Variants in CDKN2B-AS1 observed in about 807,000 individuals in gnomAD.
CDKN2B-AS1 encodes CDKN2B antisense RNA 1 (non-protein coding).
chr9:22,074,799 A>G (rs933599441), intron 4 of CDKN2B-AS1, among the ~76,000 whole-genome samples: 2 of 152,236 alleles, frequency 1.3e-5, no homozygotes, highest in African/African-American at 4.8e-5. Context: ...TTTGTTCTGG[A>G]AAGCTCTATC....
At chr9:22,067,265 G>C (rs992899985) in intron 4 of CDKN2B-AS1, among the ~76,000 whole-genome samples, 4 of 152,148 alleles carry the variant, frequency 2.6e-5, no homozygotes, top group Non-Finnish European at 5.9e-5. Flanking sequence ...TGGAGACTAA[G>C]CATGATTTTT....
chr9:22,048,048 G>T (rs141043892), intron 2 of CDKN2B-AS1, among the ~76,000 whole-genome samples: 5 of 151,938 alleles, frequency 3.3e-5, no homozygotes, highest in African/African-American at 1.2e-4. Flanking sequence ...ACCTGCCTCA[G>T]CCTCTCAAAG....
At chr9:22,066,699 C>T (rs377411502) in intron 4 of CDKN2B-AS1, among the ~76,000 whole-genome samples, 5 of 151,580 alleles carry the variant, frequency 3.3e-5, no homozygotes, top group Admixed American at 1.3e-4. Flanking sequence ...AAAGAACATT[C>T]GTATTTTAAT....
chr9:22,066,949 G>A (rs1218220570), intron 4 of CDKN2B-AS1, among the ~76,000 whole-genome samples: 1 of 152,098 alleles, frequency 6.6e-6, no homozygotes, highest in Non-Finnish European at 1.5e-5. Flanking sequence ...ATCATTCTGA[G>A]CAAACTATCG....
chr9:22,096,714 C>A (rs758165900), intron 4 of CDKN2B-AS1, among the ~76,000 whole-genome samples: 8 of 152,164 alleles, frequency 5.3e-5, no homozygotes, highest in Non-Finnish European at 1.0e-4. Flanking sequence ...ATTCCATCTC[C>A]AATCACACGG....
rs34843542 is a variant in CDKN2B-AS1 at position 22,121,379 on chromosome 9, A to AT, written n.439-5724_439-5723insT. On this transcript the variant is annotated intron_variant and non_coding_transcript_variant, in intron 4 of 4. Transcript: ENST00000650946. ...TTTATTCTTTTAAAACTAAAAAAAA[A>AT]CTGTACAAAATTCATAGGGTACATA... Among the ~76,000 whole-genome samples the AT allele has an allele frequency of 7.9e-3, 1,195 of 151,626 alleles. 73 individuals carry two copies. The East Asian group carries it at 0.16, about 20-fold the overall frequency.
chr9:22,040,210 A>G (rs1822845123), intron 1 of CDKN2B-AS1, among the ~76,000 whole-genome samples: 1 of 152,020 alleles, frequency 6.6e-6, no homozygotes, highest in Non-Finnish European at 1.5e-5. Context: ...CTAACTGTTG[A>G]TCAAGGCAAG....
At chr9:22,118,095 G>C (rs1484715834) in intron 4 of CDKN2B-AS1, 2 of 152,318 alleles carry the variant, frequency 1.3e-5, no homozygotes, top group African/African-American at 4.8e-5. Context: ...CTTCTTGGCA[G>C]ATGTTTCTAA....
At chr9:22,108,555 A>T (rs1341449689) in intron 4 of CDKN2B-AS1, among the ~76,000 whole-genome samples, 1 of 152,104 alleles carries the variant, frequency 6.6e-6, no homozygotes, top group African/African-American at 2.4e-5. Flanking sequence ...GAGGATCTCA[A>T]ACCTAGCTCC....
intron 4 of CDKN2B-AS1, among the ~76,000 whole-genome samples, chr9:22,127,021 T>C (rs1243246396): frequency 6.6e-6 from 1 of 152,254 alleles, no homozygotes; most frequent in Non-Finnish European, 1.5e-5. Flanking sequence ...AACAAGATAC[T>C]TTTTTGTTGT....
chr9:22,005,625 G>C lies in CDKN2B-AS1; in HGVS notation n.29+10464G>C. On this transcript the variant is annotated intron_variant and non_coding_transcript_variant, in intron 1 of 4. Transcript: ENST00000650946. This position sits in a 1 kb window ranked among gnomAD's most constrained non-coding sequence, Gnocchi z 4.9. ...CTTCTCCCACTCAGCGCTGGAGTGGGAGATTCATCCATCGGAAGATTCGTA... is the reference window on the plus strand; with the variant it reads ...CTTCTCCCACTCAGCGCTGGAGTGGCAGATTCATCCATCGGAAGATTCGTA... The C allele has an allele frequency of 2.2e-6, 1 of 453,418 alleles. No homozygotes were observed. The highest frequency in any genetic ancestry group is 4.1e-6 in the Non-Finnish European group (1 of 244,166). 28.1% of individuals were successfully genotyped at this position (453,418 alleles called of 1,614,324 possible).
At chr9:22,045,704 T>C (rs979504898) in intron 1 of CDKN2B-AS1, among the ~76,000 whole-genome samples, 1 of 152,030 alleles carries the variant, frequency 6.6e-6, no homozygotes, top group Non-Finnish European at 1.5e-5. Context: ...TCACTTAAAG[T>C]CTAAAGTTAA....
intron 1 of CDKN2B-AS1, among the ~76,000 whole-genome samples, chr9:22,011,812 C>A (rs1295876952): frequency 6.6e-6 from 1 of 152,162 alleles, no homozygotes; most frequent in Non-Finnish European, 1.5e-5. Context: ...GAAACACAAT[C>A]TGTTGTTAAT....
Position 22,012,267 on chromosome 9 carries a change from C to G in CDKN2B-AS1, n.29+17106C>G, listed in dbSNP as rs368842816. On this transcript the variant is annotated intron_variant and non_coding_transcript_variant, in intron 1 of 4. Coordinates refer to ENST00000650946, the Ensembl canonical transcript of CDKN2B-AS1. ...ATTCAAGACAAGGAGGGTATCCCCC[C>G]TGACAAGCAGCGTCTGATATTTGCC... 2.8e-6 allele frequency: 4 copies of G among 1,453,588 alleles called. No homozygotes were observed. The African/African-American group carries it at 5.6e-5, about 20-fold the overall frequency. The allele number at this position is 1,453,588 out of a possible 1,614,324, so 90.0% of individuals were successfully genotyped here.
chr9:22,023,017 C>T (rs867850544), intron 1 of CDKN2B-AS1, among the ~76,000 whole-genome samples: 1 of 152,096 alleles, frequency 6.6e-6, no homozygotes, highest in Non-Finnish European at 1.5e-5. Flanking sequence ...ATGGGGTTCC[C>T]TTTGTAACCT....
chr9:22,043,262 G>C (rs1291753658), intron 1 of CDKN2B-AS1, among the ~76,000 whole-genome samples: 1 of 151,902 alleles, frequency 6.6e-6, no homozygotes, highest in African/African-American at 2.4e-5. Context: ...TTTCTCCATG[G>C]ATTTTAGTCA....
In CDKN2B-AS1 at chr9:21,999,429, T is replaced by G. The variant is rs1391115385; in HGVS notation, n.29+4268T>G. Reference sequence around the variant, plus strand: ...ATGTATGTAACATATATAATACATATCTTTATATACACATATGTACACACA... The same window carrying G: ...ATGTATGTAACATATATAATACATAGCTTTATATACACATATGTACACACA... On this transcript the variant is annotated intron_variant and non_coding_transcript_variant, in intron 1 of 4. Transcript: ENST00000650946. The surrounding 1 kb of genome is among the most constrained non-coding windows in gnomAD (Gnocchi z 4.7). Among the ~76,000 whole-genome samples, 1 of 151,906 alleles carries G rather than the reference T, an allele frequency of 6.6e-6. No individual in the cohort carries two copies. Among genetic ancestry groups the G allele is most frequent in the Non-Finnish European group, 1.5e-5 (1 of 67,910 alleles).
At chr9:22,015,048 T>G (rs982650334) in intron 1 of CDKN2B-AS1, among the ~76,000 whole-genome samples, 2 of 152,078 alleles carry the variant, frequency 1.3e-5, no homozygotes, top group African/African-American at 4.8e-5. Flanking sequence ...TTTGCTATTG[T>G]GAATAGTGCC....
intron 4 of CDKN2B-AS1, among the ~76,000 whole-genome samples, chr9:22,101,467 T>A (rs1394332188): frequency 6.6e-6 from 1 of 152,212 alleles, no homozygotes; most frequent in African/African-American, 2.4e-5. Flanking sequence ...ATGTCAATTT[T>A]AAGTAATGTC....
Sources: gnomAD v4.1 joint callset for allele counts (sites outside exome capture counted in the v4.1 genomes callset) on GRCh38, gnomAD v4.1.1 for gene constraint, Gnocchi (gnomAD v3.1) non-coding constraint, MANE v1.5 for transcripts, NCBI Gene and HGNC (gene_info 2026-07-23, HGNC 2026-07-21) for gene names.